MUC4: variants seen among roughly 807,000 people sequenced by gnomAD.
MUC4 encodes mucin 4, cell surface associated, also known as mucin-4.
A neutral mutation model predicts 257.9 loss-of-function variants in MUC4; 202 were observed. That is an observed-to-expected ratio of 0.78 (90% CI 0.70 to 0.88). The LOEUF (loss-of-function observed/expected upper bound fraction) is 0.88. Among genes scored for constraint, MUC4 ranks in the 40% least tolerant of loss-of-function variants. The probability of loss-of-function intolerance (pLI) is 0.00; values close to 1 mark genes in which losing one functional copy is unlikely to be tolerated. For missense variants in MUC4, 5,976 were observed against 6,513.7 expected (o/e 0.92, Z 2.84); for synonymous variants, 2,351 against 2,757.1 (o/e 0.85, Z 4.62).
At chr3:195,768,970 T>C in intron 7 of MUC4, 52 bp downstream of exon 7, 1 of 1,583,420 alleles carries the variant, frequency 6.3e-7, no homozygotes, top group East Asian at 2.3e-5. Context: ...GAAAGCCGAC[T>C]CTACACCCCT....
At chr3:195,764,852 T>G in intron 10 of MUC4, 145 bp downstream of exon 10, 1 of 1,170,772 alleles carries the variant, frequency 8.5e-7, no homozygotes, top group Non-Finnish European at 1.2e-6. Context: ...CTGGTGGGGA[T>G]GTTGGAAGCT....
At chr3:195,805,707 G>A (rs918624348) in intron 1 of MUC4, among the ~76,000 whole-genome samples, 1 of 151,800 alleles carries the variant, frequency 6.6e-6, no homozygotes, top group African/African-American at 2.4e-5. Flanking sequence ...ATGTTGGCCA[G>A]TCTGGTCTCA....
Position 195,781,382 on chromosome 3 carries a change from A to G in MUC4, c.10198T>C (p.Ser3400Pro). The G allele has an allele frequency of 6.6e-7, 1 of 1,522,534 alleles. No individual in the cohort carries two copies. Among genetic ancestry groups the G allele is most frequent in the African/African-American group, 1.5e-5 (1 of 68,806 alleles). 94.3% of individuals were successfully genotyped at this position (1,522,534 alleles called of 1,614,324 possible). The stretch of plus-strand genomic sequence containing the variant: ...GGCATGGTGTCACCTGTGGATACTG[A>G]GGAAGTGTTGGTGACAGGAAGAGGG... ...ATPLPVTNTS[S>P]VSTGDTMPLP... Residue 3400 changes from serine (S) to proline (P), a missense_variant, in exon 2 of 25, where the codon TCA (serine) becomes CCA (proline). This residue lies in a region of MUC4 where 297 missense variants were observed against 240.9 expected (regional missense o/e 1.23). Coordinates refer to ENST00000463781, the MANE Select transcript of MUC4 (RefSeq NM_018406.7).
Position 195,782,461 on chromosome 3 carries a change from G to A in MUC4, c.9119C>T (p.Pro3040Leu), listed in dbSNP as rs781582657. 1.1e-5 allele frequency: 16 copies of A among 1,493,024 alleles called. No individual in the cohort carries two copies. The highest frequency in any genetic ancestry group is 4.8e-5 in the African/African-American group (3 of 62,854). The allele number at this position is 1,493,024 out of a possible 1,614,324, so 92.5% of individuals were successfully genotyped here. The change falls in exon 2 of 25, where the codon CCG becomes CTG. Residue 3040 changes from proline (P) to leucine (L), a missense_variant. Transcript: ENST00000463781. The stretch of plus-strand genomic sequence containing the variant: ...TGAGGAAGTGTCGGTGACAGGAAGC[G>A]GGGTGGCGTGACCGGTGGATGCTGA... ...PSSASTGHATPLPVTDTSSAS... is the reference protein window; with the variant it reads ...PSSASTGHATLLPVTDTSSAS...
chr3:195,752,600 GTGA>G (rs2148759488), intron 20 of MUC4, 154 bp from the exon 21 acceptor site: 2 of 638,346 alleles, frequency 3.1e-6, no homozygotes, highest in South Asian at 3.7e-5. Flanking sequence ...ACATTCCACA[GTGA>G]CAGAAGGTCG....
At position 195,762,914 on chromosome 3, in the gene MUC4, A is replaced by G. The variant is rs972517578; in HGVS notation, c.14285T>C (p.Ile4762Thr). 2 of 1,571,468 alleles carry G rather than the reference A, an allele frequency of 1.3e-6. No homozygotes were observed. The highest frequency in any genetic ancestry group is 2.7e-5 in the African/African-American group (2 of 73,820). Residue 4762 changes from isoleucine (I) to threonine (T), a missense_variant, in exon 13 of 25, where the codon ATC becomes ACC. Ile to Thr is a moderately conservative substitution (Grantham distance 89). Around this residue, in one of 44 missense-constraint regions of MUC4, gnomAD observed 996 missense variants for 1,137.3 expected, o/e 0.88. Coordinates refer to ENST00000463781, the MANE Select transcript of MUC4 (RefSeq NM_018406.7). ...AGTCTGGTTATCCAGCAGGACACGG[A>G]TTGCGTCGTGAGGCTCAAGGAGCCA... ...VQWLLEPHDA[I>T]RVLLDNQTVT...
At chr3:195,749,917 G>A (rs1449048071) in intron 23 of MUC4, 1 of 152,270 alleles carries the variant, frequency 6.6e-6, no homozygotes, top group African/African-American at 2.4e-5. Flanking sequence ...ATAAACATAC[G>A]ATGCTTGTAT....
Position 195,757,553 on chromosome 3 carries a change from A to C in MUC4, c.14987-225T>G, listed in dbSNP as rs1717915558. ...TCCAACATACTGATTGTAGCGGGGA[A>C]CGCCACAGAGGGGAAAGCAGTTTCC... is the stretch of plus-strand genomic sequence containing the variant. On this transcript the variant is annotated intron_variant, in intron 17 of 24. Transcript: ENST00000463781. This position sits in a 1 kb window ranked among gnomAD's most constrained non-coding sequence, Gnocchi z 4.8. Among the ~76,000 whole-genome samples, 1 of 152,182 alleles carries C rather than the reference A, an allele frequency of 6.6e-6. No homozygotes were observed. Among genetic ancestry groups the C allele is most frequent in the African/African-American group, 2.4e-5 (1 of 41,462 alleles).
At chr3:195,800,300 A>T (rs1735132196) in intron 1 of MUC4, among the ~76,000 whole-genome samples, 1 of 152,094 alleles carries the variant, frequency 6.6e-6, no homozygotes, top group South Asian at 2.1e-4. Flanking sequence ...AATTCTTGCT[A>T]AACAGGGCTG....
At chr3:195,759,919 A>G (rs1718422960) in intron 16 of MUC4, among the ~76,000 whole-genome samples, 1 of 38,500 alleles carries the variant, frequency 2.6e-5, no homozygotes. Flanking sequence ...AACTCCGTCA[A>G]CACACACACA....
rs1215059914 is a variant in MUC4 at position 195,789,327 on chromosome 3, T to G, written c.2253A>C (p.Pro751=). Residue 751 remains proline, a synonymous_variant, in exon 2 of 25, where the codon CCA becomes CCC. Transcript: ENST00000463781. The part of the protein sequence containing the change: ...ANSVVSTPGG[P]EGQWTSASAS... ...CAGAGGCTGATGTCCATTGTCCTTC[T>G]GGGCCCCCTGGTGTTGACACTACAG... 6.2e-7 allele frequency: 1 copy of G among 1,613,934 alleles called. No homozygotes were observed. The highest frequency in any genetic ancestry group is 2.2e-5 in the East Asian group (1 of 44,882).
intron 21 of MUC4, chr3:195,752,071 A>G: frequency 5.0e-6 from 2 of 398,764 alleles, no homozygotes; most frequent in Non-Finnish European, 9.1e-6. Flanking sequence ...CTGGGAAGTC[A>G]GGGAAGACTC....
At chr3:195,774,379 G>A (rs1037583928) in intron 3 of MUC4, 74 bp from the exon 4 acceptor site, 1 of 1,462,180 alleles carries the variant, frequency 6.8e-7, no homozygotes, top group Non-Finnish European at 9.0e-7. Context: ...GGATCCCAGA[G>A]CGCTCCCTGC....
At chr3:195,767,738 ATC>A (rs1721491387) in intron 7 of MUC4, among the ~76,000 whole-genome samples, 1 of 12,944 alleles carries the variant, frequency 7.7e-5, no homozygotes, top group African/African-American at 5.1e-4. Context: ...CACCACCACC[ATC>A]ACCATCGCCA....
Position 195,760,984 on chromosome 3 carries a change from A to G in MUC4, c.14748T>C (p.Asp4916=). ...CCAGGGTGTCATAGATGCATGAGCT[A>G]TCTCCGTCACAGTTGGAGATCAAAT... The part of the protein sequence containing the change: ...AEHLISNCDG[D]SSCIYDTLAL... The change falls in exon 16 of 25, where the codon GAT becomes GAC. Residue 4916 remains aspartate (D), a synonymous_variant. Coordinates refer to ENST00000463781, the MANE Select transcript of MUC4 (RefSeq NM_018406.7). The G allele has an allele frequency of 6.2e-7, 1 of 1,614,164 alleles. No individual in the cohort carries two copies. Among genetic ancestry groups the G allele is most frequent in the Middle Eastern group, 1.6e-4 (1 of 6,062 alleles).
intron 11 of MUC4, 77 bp from the exon 12 acceptor site, chr3:195,763,718 C>A: frequency 7.4e-7 from 1 of 1,344,138 alleles, no homozygotes; most frequent in African/African-American, 1.5e-5. Flanking sequence ...CAGTCAGGTG[C>A]GGCACTTGTC....
Position 195,783,235 on chromosome 3 carries a change from G to A in MUC4, c.8345C>T (p.Ala2782Val), listed in dbSNP as rs763643487. 12 of 1,362,972 alleles carry A rather than the reference G, an allele frequency of 8.8e-6. No homozygotes were observed. The Admixed American group carries it at 1.3e-4, about 15-fold the overall frequency. The allele number at this position is 1,362,972 out of a possible 1,614,324, so 84.4% of individuals were successfully genotyped here. Residue 2782 changes from alanine to valine, a missense_variant, in exon 2 of 25, where the codon GCC becomes GTC. Physicochemically the swap from Ala to Val is moderately conservative, Grantham distance 64. This residue lies in a region of MUC4 where 228 missense variants were observed against 206.3 expected (regional missense o/e 1.11). Transcript: ENST00000463781. Reference sequence around the variant, plus strand: ...AGGGCTGGTGACATGAAGAGGGGTGGCGTGACCTGTGGATACTGAGGAAGT... The same window carrying A: ...AGGGCTGGTGACATGAAGAGGGGTGACGTGACCTGTGGATACTGAGGAAGT... ...TNTSSVSTGH[A>V]TPLHVTSPSS...
rs748336220 is a variant in MUC4 at position 195,789,326 on chromosome 3, C to G, written c.2254G>C (p.Glu752Gln). ...GCAGAGGCTGATGTCCATTGTCCTT[C>G]TGGGCCCCCTGGTGTTGACACTACA... ...NSVVSTPGGP[E>Q]GQWTSASAST... Residue 752 changes from glutamate to glutamine, a missense_variant, in exon 2 of 25, where the codon GAA becomes CAA. By Grantham distance (29) the Glu-to-Gln change is conservative (BLOSUM62 2). Around this residue, in one of 44 missense-constraint regions of MUC4, gnomAD observed 1,583 missense variants for 1,257.4 expected, o/e 1.26. Transcript: ENST00000463781. 2 of 1,613,882 alleles carry G rather than the reference C, an allele frequency of 1.2e-6. No homozygotes were observed. The highest frequency in any genetic ancestry group is 1.7e-6 in the Non-Finnish European group (2 of 1,179,858).
chr3:195,804,083 G>A (rs1396062314), intron 1 of MUC4, among the ~76,000 whole-genome samples: 3 of 152,218 alleles, frequency 2.0e-5, no homozygotes, highest in Admixed American at 6.5e-5. Flanking sequence ...TAGTTTTTAA[G>A]ACATTCTCTC....
Sources: allele counts gnomAD v4.1 joint callset (sites outside exome capture counted in the v4.1 genomes callset), GRCh38; gene constraint gnomAD v4.1.1; regional missense constraint gnomAD v4.1.1; non-coding constraint Gnocchi (gnomAD v3.1); transcripts MANE v1.5; gene names NCBI Gene and HGNC (gene_info 2026-07-23, HGNC 2026-07-21).